Variants in PABPC1L observed in about 807,000 individuals in gnomAD.
PABPC1L encodes the protein polyadenylate-binding protein 1-like.
In PABPC1L, 31 loss-of-function variants were observed where a neutral mutation model predicts 66.6. That is an observed-to-expected ratio of 0.47 (90% CI 0.35 to 0.63). The LOEUF (loss-of-function observed/expected upper bound fraction) is 0.63, where lower values mean the gene tolerates loss of function less well. PABPC1L is among the 20% of genes least tolerant of loss of function. PABPC1L has a pLI of 0.00. For missense variants in PABPC1L, 722 were observed against 848.8 expected, an observed-to-expected ratio of 0.85 and a Z score of 1.86; for synonymous variants, 348 against 335.1, an observed-to-expected ratio of 1.04 and a Z score of -0.42.
Position 44,919,087 on chromosome 20 carries a change from C to T in PABPC1L, c.643+42C>T, listed in dbSNP as rs751142088. 32 of 1,611,426 alleles carry T rather than the reference C, an allele frequency of 2.0e-5. 2 individuals are homozygous for T. The South Asian group carries it at 3.5e-4, about 18-fold the overall frequency. ...GGGAGCGGGGGGATCACTGTTTTTCCTCTTCCCTTCCAAAGTCTGGTAGGG... is the reference window on the plus strand; with the variant it reads ...GGGAGCGGGGGGATCACTGTTTTTCTTCTTCCCTTCCAAAGTCTGGTAGGG... On this transcript the variant is annotated intron_variant, in intron 4 of 14. Coordinates refer to ENST00000217073, the MANE Select transcript of PABPC1L (RefSeq NM_001372179.1).
Position 44,931,065 on chromosome 20 carries a change from C to T in PABPC1L, c.1239+339C>T, listed in dbSNP as rs1250197475. Among the ~76,000 whole-genome samples the T allele has an allele frequency of 7.3e-3, 328 of 45,156 alleles. 9 individuals carry two copies. Among genetic ancestry groups the T allele is most frequent in the African/African-American group, 0.022 (317 of 14,456 alleles). The allele number at this position is 45,156 out of a possible 152,430, so 29.6% of individuals were successfully genotyped here. ...CCTCCCTTCCCTTCCCTTCCCTTCC[C>T]TCCCTCCCTCCCTCCCTCCCTCCCT... On this transcript the variant is annotated intron_variant, in intron 8 of 14. Coordinates refer to ENST00000217073, the MANE Select transcript of PABPC1L (RefSeq NM_001372179.1).
intron 1 of PABPC1L, among the ~76,000 whole-genome samples, chr20:44,910,600 G>T (rs2066697701): frequency 2.0e-5 from 3 of 151,136 alleles, no homozygotes; most frequent in East Asian, 3.9e-4. Context: ...GGGGGTGGGG[G>T]TCAGGCGGAC....
In PABPC1L at chr20:44,930,852, T is replaced by G. The variant is rs2066847648; in HGVS notation, c.1239+126T>G. 4.3e-5 allele frequency: 56 copies of G among 1,296,538 alleles called. 1 individual carries two copies. The South Asian group carries it at 7.8e-4, about 18-fold the overall frequency. 80.3% of individuals were successfully genotyped at this position (1,296,538 alleles called of 1,614,324 possible). The stretch of plus-strand genomic sequence containing the variant: ...CTTCTGCCGAGGACTCATTAGGAAG[T>G]CTTTGTTTCCCTCTCTATAAAAGGG... On this transcript the variant is annotated intron_variant, in intron 8 of 14. Coordinates refer to ENST00000217073, the MANE Select transcript of PABPC1L (RefSeq NM_001372179.1).
intron 1 of PABPC1L, among the ~76,000 whole-genome samples, chr20:44,911,295 C>G (rs988197472): frequency 6.6e-6 from 1 of 152,054 alleles, no homozygotes; most frequent in Non-Finnish European, 1.5e-5. Context: ...GAAACCCTTT[C>G]TCTACTAAAA....
intron 2 of PABPC1L, 127 bp from the exon 3 acceptor site, chr20:44,916,629 C>G (rs2066739291): frequency 1.2e-6 from 1 of 848,706 alleles, no homozygotes; most frequent in Middle Eastern, 2.3e-4. Flanking sequence ...TACCCCATCC[C>G]TAACATGCAG....
chr20:44,919,168 G>A lies in PABPC1L; in HGVS notation c.644-15G>A. ...CTTCCCAGACTCCCCTTTGAGCCAG[G>A]TTGGTCCTTTGCAGGGAAAATGCTG... On this transcript the variant is annotated splice_polypyrimidine_tract_variant and intron_variant, in intron 4 of 14. Transcript: ENST00000217073. The A allele has an allele frequency of 2.5e-6, 4 of 1,614,212 alleles. No homozygotes were observed. Among genetic ancestry groups the A allele is most frequent in the Non-Finnish European group, 3.4e-6 (4 of 1,180,032 alleles).
Position 44,938,087 on chromosome 20 carries a change from G to A in PABPC1L, c.1687G>A (p.Asp563Asn), listed in dbSNP as rs368203711. 8.7e-6 allele frequency: 14 copies of A among 1,614,178 alleles called. No homozygotes were observed. Among genetic ancestry groups the A allele is most frequent in the Non-Finnish European group, 1.1e-5 (13 of 1,180,038 alleles). ...GGAGCGTCTCTACCCCCTTATCCAT[G>A]ATGTCCACACCCAGCTGGCTGGCAA... ...IGERLYPLIH[D>N]VHTQLAGKIT... The change falls in exon 13 of 15, where the codon GAT becomes AAT. Residue 563 changes from aspartate (D) to asparagine (N), a missense_variant. Asp to Asn is a conservative substitution (Grantham distance 23). Transcript: ENST00000217073.
intron 8 of PABPC1L, chr20:44,932,079 A>G: frequency 3.2e-6 from 1 of 314,900 alleles, no homozygotes; most frequent in Non-Finnish European, 5.8e-6. Context: ...AAGTTGGAGT[A>G]AGATGTCACC....
rs1047571338 is a variant in PABPC1L at position 44,930,783 on chromosome 20, A to G, written c.1239+57A>G. The G allele has an allele frequency of 5.1e-6, 8 of 1,576,014 alleles. No homozygotes were observed. The African/African-American group carries it at 9.4e-5, about 19-fold the overall frequency. On this transcript the variant is annotated intron_variant, in intron 8 of 14. Coordinates refer to ENST00000217073, the MANE Select transcript of PABPC1L (RefSeq NM_001372179.1). ...CTTCCCCCCTGCCCCAGCAAGGCAG[A>G]GCATGAAGACTAGAGTTCTAGGGAA...
chr20:44,912,988 A>G (rs2066715394), intron 2 of PABPC1L, 135 bp downstream of exon 2: 1 of 725,628 alleles, frequency 1.4e-6, no homozygotes, highest in South Asian at 2.5e-5. Flanking sequence ...AAGCACCTGA[A>G]TGACAGCCGT....
rs779890022 is a variant in PABPC1L, at chr20:44,912,734, G to C, written c.268G>C (p.Asp90His). 3.7e-6 allele frequency: 6 copies of C among 1,614,176 alleles called. No homozygotes were observed. The Admixed American group carries it at 5.0e-5, about 13-fold the overall frequency. The change falls in exon 2 of 15, where the codon GAC becomes CAC. Residue 90 changes from aspartate to histidine, a missense_variant. Physicochemically the swap from Asp to His is moderately conservative, Grantham distance 81. Transcript: ENST00000217073. ...QPIRIMWSQR[D>H]PGLRKSGVGN... The stretch of plus-strand genomic sequence containing the variant: ...TATTCGCATCATGTGGTCCCAGCGA[G>C]ACCCAGGACTTCGCAAGTCAGGTGT...
At chr20:44,911,655 C>T (rs540692018) in intron 1 of PABPC1L, among the ~76,000 whole-genome samples, 1 of 152,266 alleles carries the variant, frequency 6.6e-6, no homozygotes, top group African/African-American at 2.4e-5. Flanking sequence ...GTTGTTCCGC[C>T]GGGCCTGTTC....
chr20:44,931,992 A>G, intron 8 of PABPC1L: 1 of 169,080 alleles, frequency 5.9e-6, no homozygotes, highest in Non-Finnish European at 1.3e-5. Context: ...GACTTACAGG[A>G]AGTAGAAAGA....
chr20:44,912,599 G>T, intron 1 of PABPC1L, 61 bp from the exon 2 acceptor site: 5 of 1,426,706 alleles, frequency 3.5e-6, no homozygotes, highest in Non-Finnish European at 4.8e-6. Context: ...TCGAGGGGTG[G>T]GTGATCAAGG....
intron 3 of PABPC1L, among the ~76,000 whole-genome samples, chr20:44,918,193 G>T (rs1371191879): frequency 6.6e-6 from 1 of 152,106 alleles, no homozygotes; most frequent in Non-Finnish European, 1.5e-5. Flanking sequence ...ATGCGTGGTG[G>T]CACATACCTG....
chr20:44,930,418 T>G (rs747859532), intron 7 of PABPC1L, 42 bp from the exon 8 acceptor site: 2 of 1,583,248 alleles, frequency 1.3e-6, no homozygotes, highest in South Asian at 2.4e-5. Context: ...CCAGGAGCCT[T>G]CCTTCCCCAC....
At chr20:44,938,802 A>C in intron 14 of PABPC1L, 54 bp downstream of exon 14, 1 of 1,517,578 alleles carries the variant, frequency 6.6e-7, no homozygotes, top group South Asian at 1.2e-5. Context: ...GTAAGGAAAT[A>C]GGCAGGGACT....
chr20:44,936,549 C>T (rs1016208889), intron 11 of PABPC1L, 88 bp from the exon 12 acceptor site: 37 of 1,145,828 alleles, frequency 3.2e-5, no homozygotes, highest in African/African-American at 4.7e-5. Context: ...CCAGTGCCTC[C>T]CTGGCCTTCT....
At chr20:44,938,339 G>A in intron 13 of PABPC1L, 148 bp downstream of exon 13, 2 of 1,150,492 alleles carry the variant, frequency 1.7e-6, no homozygotes, top group East Asian at 5.2e-5. Flanking sequence ...AATCTTAAGA[G>A]TGGAAGGGGC....
Sources: allele counts gnomAD v4.1 joint callset (sites outside exome capture counted in the v4.1 genomes callset), GRCh38; gene constraint gnomAD v4.1.1; transcripts MANE v1.5; gene names NCBI Gene and HGNC (gene_info 2026-07-23, HGNC 2026-07-21).